Variants in SLC35A3 observed in about 807,000 individuals in gnomAD.
SLC35A3 encodes the protein UDP-N-acetylglucosamine transporter.
Under a neutral mutation model 39.0 loss-of-function variants are expected in SLC35A3, and 26 were observed. The ratio of observed to expected loss-of-function variants is 0.67; its 90% confidence interval spans 0.49 to 0.92. SLC35A3 has a LOEUF of 0.92. Among genes scored for constraint, SLC35A3 ranks in the 40% least tolerant of loss-of-function variants. The probability of loss-of-function intolerance (pLI) is 0.00; values close to 1 mark genes in which losing one functional copy is unlikely to be tolerated. For synonymous variants in SLC35A3, 135 were observed against 133.1 expected, an observed-to-expected ratio of 1.01 and a Z score of -0.10; for missense variants, 299 against 371.6, an observed-to-expected ratio of 0.80 and a Z score of 1.61.
At chr1:100,004,186 T>C (rs1051758159) in intron 3 of SLC35A3, among the ~76,000 whole-genome samples, 2 of 152,212 alleles carry the variant, frequency 1.3e-5, no homozygotes, top group Non-Finnish European at 2.9e-5. Context: ...TTCTGTAGTG[T>C]TAATGTTTGA....
At chr1:100,015,254 CT>C in intron 5 of SLC35A3, 47 bp from the exon 6 acceptor site, 2 of 1,447,910 alleles carry the variant, frequency 1.4e-6, no homozygotes, top group African/African-American at 2.9e-5. Flanking sequence ...AAATATATCT[CT>C]TCAGACAAAC....
At chr1:100,006,619 C>G (rs1330221446) in intron 3 of SLC35A3, among the ~76,000 whole-genome samples, 2 of 152,086 alleles carry the variant, frequency 1.3e-5, no homozygotes, top group African/African-American at 2.4e-5. Flanking sequence ...GTTTTCAAGT[C>G]CCTGGAGGCC....
At chr1:100,021,261 G>C (rs1660518046) in intron 7 of SLC35A3, among the ~76,000 whole-genome samples, 1 of 152,074 alleles carries the variant, frequency 6.6e-6, no homozygotes. Flanking sequence ...CTAGTCGGGA[G>C]GCTGAGGCAG....
At chr1:100,014,634 A>G (rs985077122) in intron 5 of SLC35A3, among the ~76,000 whole-genome samples, 1 of 152,262 alleles carries the variant, frequency 6.6e-6, no homozygotes, top group African/African-American at 2.4e-5. Flanking sequence ...AGATGGAAGA[A>G]CAATGACATA....
chr1:99,997,271 T>A (rs186024573), intron 2 of SLC35A3, among the ~76,000 whole-genome samples: 84 of 151,678 alleles, frequency 5.5e-4, no homozygotes, highest in African/African-American at 2.0e-3. Flanking sequence ...TTTCCTCTCC[T>A]TTTTTTGCTG....
At chr1:99,980,109 TTAAA>T (rs1657372224) in intron 1 of SLC35A3, among the ~76,000 whole-genome samples, 2 of 152,208 alleles carry the variant, frequency 1.3e-5, no homozygotes, top group African/African-American at 4.8e-5. Context: ...TATGTATTAA[TTAAA>T]TATTTGGTGG....
Position 100,015,555 on chromosome 1 carries a change from G to C in SLC35A3, c.753+135G>C, listed in dbSNP as rs897886612. On this transcript the variant is annotated intron_variant, in intron 6 of 7. Transcript: ENST00000533028. ...GTGCTCTCGTATCTAGTTTATTCAA[G>C]GAAGTGAAAATAGAAGTGATCTTAA... 24 of 964,548 alleles carry C rather than the reference G, an allele frequency of 2.5e-5. No homozygotes were observed. The African/African-American group carries it at 3.4e-4, about 14-fold the overall frequency. 59.7% of individuals were successfully genotyped at this position (964,548 alleles called of 1,614,324 possible).
At chr1:99,979,527 G>T (rs568938482) in intron 1 of SLC35A3, among the ~76,000 whole-genome samples, 1 of 150,262 alleles carries the variant, frequency 6.7e-6, no homozygotes, top group African/African-American at 2.4e-5. Context: ...TCCACCTCCC[G>T]GGTTCATGCC....
At position 100,022,055 on chromosome 1, in the gene SLC35A3, G is replaced by A. The variant is rs184374776; in HGVS notation, c.888-331G>A. 1.7e-3 allele frequency among the ~76,000 whole-genome samples: 252 copies of A among 152,332 alleles called. 4 individuals carry two copies. The highest frequency in any genetic ancestry group is 2.9e-3 in the Non-Finnish European group (194 of 68,032). ...ACAGTATAGTGCAGTCGATGAGAGT[G>A]CAGGCTGTAGAGTTAGACATACCTG... is the stretch of plus-strand genomic sequence containing the variant. On this transcript the variant is annotated intron_variant, in intron 7 of 7. Coordinates refer to ENST00000533028, the MANE Select transcript of SLC35A3 (RefSeq NM_012243.3).
At chr1:99,979,583 G>A (rs1399317741) in intron 1 of SLC35A3, among the ~76,000 whole-genome samples, 5 of 150,996 alleles carry the variant, frequency 3.3e-5, no homozygotes, top group South Asian at 2.1e-4. Context: ...ACAGGCGCCC[G>A]CCACCACGCC....
At chr1:100,022,357 CT>C (rs1557849140) in intron 7 of SLC35A3, 28 bp from the exon 8 acceptor site, 1 of 1,220,252 alleles carries the variant, frequency 8.2e-7, no homozygotes. Flanking sequence ...CTGATTTTCT[CT>C]TTTTTATTTT....
intron 2 of SLC35A3, among the ~76,000 whole-genome samples, chr1:99,994,983 G>A (rs2101143521): frequency 6.6e-6 from 1 of 151,774 alleles, no homozygotes; most frequent in Admixed American, 6.6e-5. Flanking sequence ...TTGTTTTTTT[G>A]TTTTTTCAAA....
chr1:100,034,238 C>G lies in SLC35A3; in HGVS notation c.*11762C>G, dbSNP rs1448201950. 6.6e-6 allele frequency: 1 copy of G among 151,946 alleles called. No individual in the cohort carries two copies. The highest frequency in any genetic ancestry group is 1.5e-5 in the Non-Finnish European group (1 of 67,994). 9.4% of individuals were successfully genotyped at this position (151,946 alleles called of 1,614,324 possible). A position where few individuals can be genotyped will look rare whatever the true frequency, so the allele number is the denominator to read the frequency against. ...TTTTATCTCATTTTTGTTCTCATAG[C>G]TGTTTTATTCCTCTTCTCTGTATTT... is the stretch of plus-strand genomic sequence containing the variant. On this transcript the variant is annotated 3_prime_UTR_variant, in exon 8 of 8. Transcript: ENST00000533028.
chr1:99,994,560 G>A (rs1173130079), intron 2 of SLC35A3, among the ~76,000 whole-genome samples: 1 of 152,012 alleles, frequency 6.6e-6, no homozygotes, highest in African/African-American at 2.4e-5. Context: ...GTCCTTTTAG[G>A]TCTGGCACTT....
At position 100,031,300 on chromosome 1, in the gene SLC35A3, A is replaced by G. The variant is rs906848585; in HGVS notation, c.*8824A>G. 5 of 152,126 alleles carry G rather than the reference A, an allele frequency of 3.3e-5. No individual in the cohort carries two copies. The highest frequency in any genetic ancestry group is 7.2e-5 in the African/African-American group (3 of 41,424). The allele number at this position is 152,126 out of a possible 1,614,324, so 9.4% of individuals were successfully genotyped here. On this transcript the variant is annotated 3_prime_UTR_variant, in exon 8 of 8. Coordinates refer to ENST00000533028, the MANE Select transcript of SLC35A3 (RefSeq NM_012243.3). The stretch of plus-strand genomic sequence containing the variant: ...ATTGAAAAATTGGTATACCACCTAA[A>G]TCCAACCATTATTAACATTTTGCCA...
At chr1:100,000,942 C>T (rs1658745521) in intron 3 of SLC35A3, among the ~76,000 whole-genome samples, 1 of 152,006 alleles carries the variant, frequency 6.6e-6, no homozygotes, top group African/African-American at 2.4e-5. Context: ...CCAATTTTCT[C>T]AGCGTCATTT....
Position 100,033,318 on chromosome 1 carries a change from T to C in SLC35A3, c.*10842T>C, listed in dbSNP as rs1341035197. 1 of 151,936 alleles carries C rather than the reference T, an allele frequency of 6.6e-6. No individual in the cohort carries two copies. Among genetic ancestry groups the C allele is most frequent in the Non-Finnish European group, 1.5e-5 (1 of 67,996 alleles). The allele number at this position is 151,936 out of a possible 1,614,324, so 9.4% of individuals were successfully genotyped here. On this transcript the variant is annotated 3_prime_UTR_variant, in exon 8 of 8. Transcript: ENST00000533028. ...AAAAAAAAAAAAAAGATAAATTTTT[T>C]CGAAAAGTTTTATATGAAAAGTGTA... is the stretch of plus-strand genomic sequence containing the variant.
intron 1 of SLC35A3, chr1:99,970,736 GA>G: frequency 2.5e-6 from 2 of 807,362 alleles, no homozygotes; most frequent in Non-Finnish European, 3.8e-6. Flanking sequence ...AGTAAAAGAC[GA>G]TCTTTTATTA....
intron 1 of SLC35A3, among the ~76,000 whole-genome samples, chr1:99,986,165 CTT>C (rs199503957): frequency 2.2e-4 from 31 of 137,898 alleles, no homozygotes; most frequent in African/African-American, 1.6e-4. Context: ...ATATATTCTA[CTT>C]TTTTTTTTTT....
Sources: gnomAD v4.1 joint callset for allele counts (sites outside exome capture counted in the v4.1 genomes callset) on GRCh38, gnomAD v4.1.1 for gene constraint, MANE v1.5 for transcripts, NCBI Gene and HGNC (gene_info 2026-07-23, HGNC 2026-07-21) for gene names.